TSPAN18: variants seen among roughly 807,000 people sequenced by gnomAD.
TSPAN18 encodes tetraspanin 18.
In TSPAN18, 14 loss-of-function variants were observed where a neutral mutation model predicts 27.3. The observed-to-expected ratio is 0.51, with a 90% CI of 0.34 to 0.80. The LOEUF is 0.80. Ranked by LOEUF, TSPAN18 falls within the 30% of genes least tolerant of loss-of-function variation. The pLI is 0.01. For missense variants in TSPAN18, 268 were observed against 323.9 expected, an observed-to-expected ratio of 0.83 and a Z score of 1.32; for synonymous variants, 143 against 136.5, an observed-to-expected ratio of 1.05 and a Z score of -0.33.
chr11:44,920,026 G>T, intron 8 of TSPAN18, 27 bp downstream of exon 8: 1 of 1,601,656 alleles, frequency 6.2e-7, no homozygotes, highest in Non-Finnish European at 8.5e-7. Flanking sequence ...CCAGACAGGG[G>T]AGTGGGTCTA....
chr11:44,883,708 A>G (rs1392853399), intron 3 of TSPAN18, among the ~76,000 whole-genome samples: 1 of 152,176 alleles, frequency 6.6e-6, no homozygotes, highest in East Asian at 1.9e-4. Flanking sequence ...TCCCACTACA[A>G]CGCTCTTTCT....
At chr11:44,776,777 G>A (rs1194327532) in intron 2 of TSPAN18, among the ~76,000 whole-genome samples, 1 of 152,166 alleles carries the variant, frequency 6.6e-6, no homozygotes, top group Non-Finnish European at 1.5e-5. Flanking sequence ...GGATTCCAGG[G>A]AAGGTAGCTG....
chr11:44,830,100 A>G (rs1857125141), intron 2 of TSPAN18, among the ~76,000 whole-genome samples: 1 of 152,102 alleles, frequency 6.6e-6, no homozygotes, highest in African/African-American at 2.4e-5. Flanking sequence ...CCATCCACAT[A>G]GGCCTCATTT....
intron 3 of TSPAN18, among the ~76,000 whole-genome samples, chr11:44,894,118 G>C (rs1486817297): frequency 6.6e-6 from 1 of 152,220 alleles, no homozygotes; most frequent in African/African-American, 2.4e-5. Flanking sequence ...GGGGTGTGCA[G>C]CCTGTCAAGT....
At chr11:44,921,172 T>C (rs1451843621) in intron 8 of TSPAN18, among the ~76,000 whole-genome samples, 1 of 152,106 alleles carries the variant, frequency 6.6e-6, no homozygotes, top group Non-Finnish European at 1.5e-5. Context: ...GGAAAGAGGC[T>C]CAATAGAGAA....
At chr11:44,842,978 C>A (rs907048541) in intron 2 of TSPAN18, among the ~76,000 whole-genome samples, 1 of 151,920 alleles carries the variant, frequency 6.6e-6, no homozygotes, top group African/African-American at 2.4e-5. Flanking sequence ...CTATCACCTT[C>A]AAGCAATTGT....
At chr11:44,812,836 T>A (rs1444754174) in intron 2 of TSPAN18, among the ~76,000 whole-genome samples, 2 of 152,000 alleles carry the variant, frequency 1.3e-5, no homozygotes, top group East Asian at 3.9e-4. Context: ...ACCATTGGGG[T>A]CCCTAGGGTT....
At chr11:44,908,770 A>AAAGAAAGAAAG (rs3051416) in intron 4 of TSPAN18, among the ~76,000 whole-genome samples, 6 of 19,498 alleles carry the variant, frequency 3.1e-4, no homozygotes, top group Admixed American at 8.9e-4. Flanking sequence ...GAGAGAAAGG[A>AAAGAAAGAAAG]GAAAGAAAGA....
At chr11:44,790,822 C>T (rs752127162) in intron 2 of TSPAN18, among the ~76,000 whole-genome samples, 7 of 152,156 alleles carry the variant, frequency 4.6e-5, no homozygotes, top group South Asian at 2.1e-4. Flanking sequence ...TTCACAGAGT[C>T]GGAGAACAGG....
intron 1 of TSPAN18, among the ~76,000 whole-genome samples, chr11:44,738,185 G>A (rs1394579024): frequency 1.3e-5 from 2 of 152,128 alleles, no homozygotes; most frequent in Non-Finnish European, 2.9e-5. Context: ...TCCTCTGCAA[G>A]CCAGTCTTTT....
At chr11:44,915,119 C>T (rs1450993155) in intron 5 of TSPAN18, among the ~76,000 whole-genome samples, 1 of 152,184 alleles carries the variant, frequency 6.6e-6, no homozygotes, top group Non-Finnish European at 1.5e-5. Context: ...CCAGCTCCAG[C>T]TCATTGCCGT....
chr11:44,791,388 A>T (rs1362943231), intron 2 of TSPAN18, among the ~76,000 whole-genome samples: 2 of 152,224 alleles, frequency 1.3e-5, no homozygotes, highest in African/African-American at 2.4e-5. Flanking sequence ...TAATTGGCTC[A>T]TCTGTTTAAT....
chr11:44,842,033 C>G (rs1857384878), intron 2 of TSPAN18, among the ~76,000 whole-genome samples: 1 of 152,152 alleles, frequency 6.6e-6, no homozygotes, highest in African/African-American at 2.4e-5. Flanking sequence ...AAACTGAGCC[C>G]CAGAGGTGGG....
chr11:44,819,582 A>G (rs1856885244), intron 2 of TSPAN18, among the ~76,000 whole-genome samples: 1 of 152,158 alleles, frequency 6.6e-6, no homozygotes, highest in South Asian at 2.1e-4. Flanking sequence ...TGGAACTCCT[A>G]ATTAATAGAC....
intron 3 of TSPAN18, among the ~76,000 whole-genome samples, chr11:44,882,585 GAGACACAC>G (rs1389981524): frequency 2.2e-5 from 2 of 92,490 alleles, no homozygotes; most frequent in East Asian, 2.7e-4. Flanking sequence ...GTCAGAGAGA[GAGACACAC>G]ACACACACAC....
At chr11:44,917,895 G>A in intron 5 of TSPAN18, 77 bp from the exon 6 acceptor site, 1 of 1,335,042 alleles carries the variant, frequency 7.5e-7, no homozygotes. Context: ...TGTGACAGAT[G>A]GACGGATGCA....
chr11:44,841,332 C>A lies in TSPAN18; in HGVS notation c.-152-18996C>A, dbSNP rs188793035. On this transcript the variant is annotated intron_variant, in intron 2 of 9. Transcript: ENST00000520358. ...AGGAGTTCAAGACCAGCCTGGCCAA[C>A]ATGGTGAAACCCCCATCTCTATTAA... is the stretch of plus-strand genomic sequence containing the variant. Among the ~76,000 whole-genome samples the A allele has an allele frequency of 3.6e-3, 550 of 152,204 alleles. 3 individuals carry two copies. Among genetic ancestry groups the A allele is most frequent in the Non-Finnish European group, 5.1e-3 (349 of 68,016 alleles).
chr11:44,744,402 GGT>G (rs1237287563), intron 1 of TSPAN18, among the ~76,000 whole-genome samples: 1 of 152,220 alleles, frequency 6.6e-6, no homozygotes, highest in Non-Finnish European at 1.5e-5. Context: ...AGATGAATGA[GGT>G]TACCGTCATG....
At chr11:44,884,091 C>A (rs1336362135) in intron 3 of TSPAN18, among the ~76,000 whole-genome samples, 1 of 152,148 alleles carries the variant, frequency 6.6e-6, no homozygotes, top group Non-Finnish European at 1.5e-5. Context: ...GCCCAGCCTC[C>A]TCTCTGCCCC....
Sources: gnomAD v4.1 joint callset for allele counts (sites outside exome capture counted in the v4.1 genomes callset) on GRCh38, gnomAD v4.1.1 for gene constraint, MANE v1.5 for transcripts, NCBI Gene and HGNC (gene_info 2026-07-23, HGNC 2026-07-21) for gene names.